Variants in CLTCL1 observed in about 807,000 individuals in gnomAD.
CLTCL1 encodes clathrin heavy chain 2.
A neutral mutation model predicts 190.0 loss-of-function variants in CLTCL1; 159 were observed. That is an observed-to-expected ratio of 0.84 (90% CI 0.74 to 0.95). The LOEUF (loss-of-function observed/expected upper bound fraction) is 0.95. Among genes scored for constraint, CLTCL1 ranks in the 40% least tolerant of loss-of-function variants. CLTCL1 has a pLI of 0.00. For synonymous variants in CLTCL1, 752 were observed against 769.6 expected (o/e 0.98, Z 0.38); for missense variants, 1,878 against 2,033.4 (o/e 0.92, Z 1.47).
chr22:19,203,176 G>A (rs1407884133), intron 22 of CLTCL1, among the ~76,000 whole-genome samples: 3 of 152,134 alleles, frequency 2.0e-5, no homozygotes, highest in Non-Finnish European at 4.4e-5. Context: ...TTAGCTGAGC[G>A]TGGTGGCGGG....
At chr22:19,281,744 C>T (rs71328296) in intron 1 of CLTCL1, among the ~76,000 whole-genome samples, 4,090 of 152,192 alleles carry the variant, frequency 0.027, 65 homozygotes, top group Non-Finnish European at 0.041. Context: ...TGGGTTAATA[C>T]GGTGACATTC....
intron 1 of CLTCL1, among the ~76,000 whole-genome samples, chr22:19,287,953 C>T (rs145815791): frequency 2.0e-5 from 3 of 152,148 alleles, no homozygotes; most frequent in South Asian, 4.1e-4. Flanking sequence ...TTTTTTCACA[C>T]TGTTACCTAT....
At chr22:19,209,692 A>C (rs2085158324) in intron 20 of CLTCL1, among the ~76,000 whole-genome samples, 1 of 152,206 alleles carries the variant, frequency 6.6e-6, no homozygotes. Flanking sequence ...GTATAGAAAT[A>C]AGGTAAAGGA....
chr22:19,183,202 G>C, intron 30 of CLTCL1, 188 bp downstream of exon 30: 1 of 586,430 alleles, frequency 1.7e-6, no homozygotes, highest in African/African-American at 1.9e-5. Context: ...TTCTGGAGGG[G>C]CTTAACGTTG....
At chr22:19,280,834 A>G (rs2087683730) in intron 1 of CLTCL1, among the ~76,000 whole-genome samples, 1 of 151,528 alleles carries the variant, frequency 6.6e-6, no homozygotes, top group African/African-American at 2.4e-5. Context: ...AAAAAAAAAA[A>G]AAAAAGACAG....
At chr22:19,251,017 G>C (rs1555969762) in intron 3 of CLTCL1, among the ~76,000 whole-genome samples, 1 of 152,110 alleles carries the variant, frequency 6.6e-6, no homozygotes, top group Non-Finnish European at 1.5e-5. Context: ...AAAGAAGCTA[G>C]CTGGTATTCC....
In CLTCL1 at chr22:19,291,657, T is replaced by TCGGCGG. The variant is rs574306438; in HGVS notation, c.-22_-17dup. On this transcript the variant is annotated 5_prime_UTR_variant, in exon 1 of 33. Coordinates refer to ENST00000427926, the MANE Select transcript of CLTCL1 (RefSeq NM_007098.4). The stretch of plus-strand genomic sequence containing the variant: ...TCTGCGCCATGGCTGGTGCGGGACC[T>TCGGCGG]CGGCGGCGGCGGCGGCAGCGGCAGG... 131 of 1,367,700 alleles carry TCGGCGG rather than the reference T, an allele frequency of 9.6e-5. No homozygotes were observed. The highest frequency in any genetic ancestry group is 1.4e-4 in the African/African-American group (9 of 65,796). 84.7% of individuals were successfully genotyped at this position (1,367,700 alleles called of 1,614,324 possible).
rs140423207 is a variant in CLTCL1, at chr22:19,263,934, C to CA, written c.251-9708dup. ...CTGTATATGGAAATCATATATCTGACAAGGGGTTAATATCCAGAATATATA... is the reference window on the plus strand; with the variant it reads ...CTGTATATGGAAATCATATATCTGACAAAGGGGTTAATATCCAGAATATATA... On this transcript the variant is annotated intron_variant, in intron 2 of 32. Coordinates refer to ENST00000427926, the MANE Select transcript of CLTCL1 (RefSeq NM_007098.4). Among the ~76,000 whole-genome samples, 1,437 of 152,100 alleles carry CA rather than the reference C, an allele frequency of 9.4e-3. 35 individuals are homozygous for CA. Among genetic ancestry groups the CA allele is most frequent in the East Asian group, 0.069 (355 of 5,170 alleles).
chr22:19,243,269 GA>G (rs2086311794), intron 3 of CLTCL1, among the ~76,000 whole-genome samples: 2 of 152,194 alleles, frequency 1.3e-5, no homozygotes, highest in South Asian at 4.1e-4. Context: ...TAAATCGGGG[GA>G]TGCAATCACA....
At chr22:19,243,891 G>T (rs1271450793) in intron 3 of CLTCL1, among the ~76,000 whole-genome samples, 5 of 151,826 alleles carry the variant, frequency 3.3e-5, no homozygotes, top group African/African-American at 1.2e-4. Context: ...TAGAGACGGG[G>T]TTTCACCATG....
chr22:19,180,158 C>T, intron 32 of CLTCL1, 41 bp downstream of exon 32: 2 of 1,573,412 alleles, frequency 1.3e-6, no homozygotes, highest in South Asian at 1.1e-5. Context: ...GAGAACCTGG[C>T]CTGGCTAGAG....
chr22:19,210,410 G>A lies in CLTCL1; in HGVS notation c.3165C>T (p.Ile1055=), dbSNP rs377403617. Residue 1055 remains isoleucine, a synonymous_variant, in exon 20 of 33, where the codon ATC becomes ATT. Coordinates refer to ENST00000427926, the MANE Select transcript of CLTCL1 (RefSeq NM_007098.4). ...SRLDNYDALD[I]ASIAVSSALY... The stretch of plus-strand genomic sequence containing the variant: ...GTGCGCTGCTGACAGCGATGCTCGC[G>A]ATGTCCAGTGCGTCATAGTTGTCCA... 5.6e-4 allele frequency: 911 copies of A among 1,613,914 alleles called. 1 individual carries two copies. The highest frequency in any genetic ancestry group is 7.2e-4 in the Non-Finnish European group (848 of 1,179,908).
At chr22:19,180,408 A>T (rs1349299023) in intron 31 of CLTCL1, among the ~76,000 whole-genome samples, 170 bp from the exon 32 acceptor site, 3 of 152,162 alleles carry the variant, frequency 2.0e-5, no homozygotes, top group Non-Finnish European at 4.4e-5. Context: ...TGCCCTGGGC[A>T]GGTTCTCAGG....
chr22:19,270,076 T>C (rs1465754034), intron 2 of CLTCL1, among the ~76,000 whole-genome samples: 1 of 151,926 alleles, frequency 6.6e-6, no homozygotes, highest in Non-Finnish European at 1.5e-5. Flanking sequence ...CAAATGTCCA[T>C]CAACTGGTGA....
intron 18 of CLTCL1, 132 bp from the exon 19 acceptor site, chr22:19,216,388 T>C (rs1315422534): frequency 1.7e-5 from 13 of 769,496 alleles, no homozygotes; most frequent in Non-Finnish European, 2.5e-5. Context: ...GACTTCTTAA[T>C]GTAACAAAGG....
chr22:19,265,814 G>A (rs2087105522), intron 2 of CLTCL1, among the ~76,000 whole-genome samples: 1 of 152,126 alleles, frequency 6.6e-6, no homozygotes, highest in Non-Finnish European at 1.5e-5. Flanking sequence ...TCCTGAAGCA[G>A]CCTATATACA....
chr22:19,236,284 C>T lies in CLTCL1; in HGVS notation c.796-415G>A, dbSNP rs143809627. Among the ~76,000 whole-genome samples, 3 of 152,324 alleles carry T rather than the reference C, an allele frequency of 2.0e-5. No individual in the cohort carries two copies. In the East Asian group the frequency reaches 5.8e-4, roughly 29 times the overall value. Reference sequence around the variant, plus strand: ...AAGGTCCAATAAACTCAGGCTACTCCATTTATCTTTCAGGTAGAGCGATCC... The same window carrying T: ...AAGGTCCAATAAACTCAGGCTACTCTATTTATCTTTCAGGTAGAGCGATCC... On this transcript the variant is annotated intron_variant, in intron 5 of 32. Coordinates refer to ENST00000427926, the MANE Select transcript of CLTCL1 (RefSeq NM_007098.4).
chr22:19,232,706 A>C, intron 9 of CLTCL1, 108 bp from the exon 10 acceptor site: 1 of 1,396,424 alleles, frequency 7.2e-7, no homozygotes, highest in Non-Finnish European at 9.6e-7. Flanking sequence ...AGAAATGAGC[A>C]GCAACATTAT....
chr22:19,263,405 T>TTTATTG (rs2087017719), intron 2 of CLTCL1, among the ~76,000 whole-genome samples: 1 of 151,604 alleles, frequency 6.6e-6, no homozygotes, highest in Non-Finnish European at 1.5e-5. Flanking sequence ...CCATAAATTA[T>TTTATTG]TTATTTTTAT....
Sources: allele counts gnomAD v4.1 joint callset (sites outside exome capture counted in the v4.1 genomes callset), GRCh38; gene constraint gnomAD v4.1.1; transcripts MANE v1.5; gene names NCBI Gene and HGNC (gene_info 2026-07-23, HGNC 2026-07-21).